HECW1: variants seen among roughly 807,000 people sequenced by gnomAD.
The protein encoded by HECW1 is HECT, C2 and WW domain containing E3 ubiquitin protein ligase 1, also known as E3 ubiquitin-protein ligase HECW1.
Under a neutral mutation model 182.3 loss-of-function variants are expected in HECW1, and 61 were observed. The ratio of observed to expected loss-of-function variants is 0.33; its 90% CI spans 0.27 to 0.41. The LOEUF (loss-of-function observed/expected upper bound fraction) is 0.41. Ranked by LOEUF, HECW1 falls within the 10% of genes least tolerant of loss-of-function variation. The pLI is 1.00. For synonymous variants in HECW1, 859 were observed against 832.6 expected (o/e 1.03, Z -0.55); for missense variants, 1,739 against 2,108.9 (o/e 0.82, Z 3.44).
At chr7:43,138,255 G>A (rs1195696415) in intron 2 of HECW1, among the ~76,000 whole-genome samples, 4 of 152,220 alleles carry the variant, frequency 2.6e-5, no homozygotes, top group Non-Finnish European at 5.9e-5. Context: ...TTGGATGCTG[G>A]TGAAGATATC....
intron 2 of HECW1, among the ~76,000 whole-genome samples, chr7:43,126,463 G>A (rs1261804190): frequency 6.6e-6 from 1 of 152,160 alleles, no homozygotes; most frequent in Non-Finnish European, 1.5e-5. Flanking sequence ...CTACTGCCAT[G>A]CTATAATGGC....
intron 4 of HECW1, among the ~76,000 whole-genome samples, chr7:43,313,078 C>G (rs1025392366): frequency 2.0e-5 from 3 of 152,164 alleles, no homozygotes; most frequent in Non-Finnish European, 4.4e-5. Context: ...GGGATCTTAG[C>G]TGACTAACTA....
In HECW1 at chr7:43,479,629, A is replaced by G. The variant is rs1474810748; in HGVS notation, c.3119A>G (p.Asn1040Ser). 1.2e-6 allele frequency: 2 copies of G among 1,614,118 alleles called. No individual in the cohort carries two copies. The highest frequency in any genetic ancestry group is 1.7e-6 in the Non-Finnish European group (2 of 1,180,016). The change falls in exon 17 of 30, where the codon AAC (asparagine) becomes AGC (serine). Residue 1040 changes from asparagine (N) to serine (S), a missense_variant. Physicochemically the swap from Asn to Ser is conservative, Grantham distance 46. Coordinates refer to ENST00000395891, the MANE Select transcript of HECW1 (RefSeq NM_015052.5). ...QQGKSFFVDH[N>S]SRATTFIDPR... ...TCGCAGTCTTTTTTCGTGGACCACAACAGTCGAGCTACCACTTTCATTGAC... is the reference window on the plus strand; with the variant it reads ...TCGCAGTCTTTTTTCGTGGACCACAGCAGTCGAGCTACCACTTTCATTGAC...
intron 3 of HECW1, among the ~76,000 whole-genome samples, chr7:43,299,495 T>A (rs1806465221): frequency 6.6e-6 from 1 of 152,146 alleles, no homozygotes; most frequent in African/African-American, 2.4e-5. Flanking sequence ...GTCCGTGAGT[T>A]CAAAGGTTCC....
chr7:43,280,890 G>C (rs895089384), intron 3 of HECW1, among the ~76,000 whole-genome samples: 6 of 152,146 alleles, frequency 3.9e-5, no homozygotes, highest in Admixed American at 1.3e-4. Flanking sequence ...GTTAAGAGAG[G>C]GGAAGTCTCC....
chr7:43,466,684 C>A, intron 15 of HECW1, 116 bp downstream of exon 15: 2 of 1,190,196 alleles, frequency 1.7e-6, no homozygotes, highest in Non-Finnish European at 1.2e-6. Context: ...CAAGAAAAAA[C>A]AAAGAAAACA....
At chr7:43,509,334 T>C (rs1034965737) in intron 24 of HECW1, 9 of 455,070 alleles carry the variant, frequency 2.0e-5, no homozygotes, top group African/African-American at 1.6e-4. Flanking sequence ...ATATAGCAAC[T>C]GCAAATTGAT....
intron 3 of HECW1, among the ~76,000 whole-genome samples, chr7:43,291,671 C>G (rs1422266444): frequency 6.6e-6 from 1 of 152,190 alleles, no homozygotes; most frequent in Non-Finnish European, 1.5e-5. Context: ...GAAGAGGAAA[C>G]TTTTTACTTT....
At chr7:43,416,072 A>G (rs1447163415) in intron 8 of HECW1, among the ~76,000 whole-genome samples, 57 of 151,928 alleles carry the variant, frequency 3.8e-4, no homozygotes, top group Non-Finnish European at 5.6e-4. Flanking sequence ...TTGCTGGTGA[A>G]GAACTGCGTT....
At chr7:43,175,120 A>G (rs1792092570) in intron 2 of HECW1, among the ~76,000 whole-genome samples, 1 of 151,898 alleles carries the variant, frequency 6.6e-6, no homozygotes, top group Middle Eastern at 3.2e-3. Context: ...AAGTTGAGGT[A>G]TAAGTTTTTG....
rs1326239761 is a variant in HECW1, at chr7:43,407,548, C to A, written c.632-14C>A. 1 of 1,588,856 alleles carries A rather than the reference C, an allele frequency of 6.3e-7. No homozygotes were observed. ...CTAAAACATATTTAAATTAAAGTAT[C>A]CTTTATTTTATAGATTTCCAAGCCA... is the stretch of plus-strand genomic sequence containing the variant. On this transcript the variant is annotated splice_polypyrimidine_tract_variant and intron_variant, in intron 7 of 29. Transcript: ENST00000395891.
At chr7:43,330,244 C>T (rs1168088499) in intron 5 of HECW1, among the ~76,000 whole-genome samples, 1 of 152,202 alleles carries the variant, frequency 6.6e-6, no homozygotes, top group Non-Finnish European at 1.5e-5. Flanking sequence ...GGGACACTCA[C>T]TCTTAAAGCC....
intron 2 of HECW1, among the ~76,000 whole-genome samples, chr7:43,234,484 T>C (rs912589536): frequency 2.0e-5 from 3 of 151,360 alleles, no homozygotes; most frequent in African/African-American, 7.3e-5. Flanking sequence ...CACACTGGCC[T>C]CTGCAGATGC....
intron 7 of HECW1, among the ~76,000 whole-genome samples, chr7:43,407,058 A>G (rs1584794521): frequency 1.3e-5 from 2 of 152,174 alleles, no homozygotes; most frequent in South Asian, 4.1e-4. Context: ...GAAATTGTAC[A>G]TGGTCAGATA....
At position 43,269,838 on chromosome 7, in the gene HECW1, G is replaced by A. The variant is rs75950135; in HGVS notation, c.27+25906G>A. Among the ~76,000 whole-genome samples, 1,452 of 152,266 alleles carry A rather than the reference G, an allele frequency of 9.5e-3. 29 individuals carry two copies. The highest frequency in any genetic ancestry group is 0.033 in the African/African-American group (1,370 of 41,542). On this transcript the variant is annotated intron_variant, in intron 3 of 29. Coordinates refer to ENST00000395891, the MANE Select transcript of HECW1 (RefSeq NM_015052.5). ...TGGCAATGTCTGGAGGCATTTTTTG[G>A]TTTTTGCAATTGGGTGACTGCTACT...
chr7:43,127,442 G>A (rs1583603040), intron 2 of HECW1, among the ~76,000 whole-genome samples: 1 of 144,102 alleles, frequency 6.9e-6, no homozygotes, highest in African/African-American at 2.6e-5. Flanking sequence ...AGAATCGCTT[G>A]AACCTGGGAG....
At chr7:43,315,114 A>T (rs1809039214) in intron 4 of HECW1, among the ~76,000 whole-genome samples, 1 of 152,182 alleles carries the variant, frequency 6.6e-6, no homozygotes, top group Admixed American at 6.5e-5. Context: ...AGCAAATAGG[A>T]CTGTTCTGAC....
At chr7:43,448,599 T>C (rs2077136936) in intron 11 of HECW1, among the ~76,000 whole-genome samples, 1 of 152,222 alleles carries the variant, frequency 6.6e-6, no homozygotes, top group Non-Finnish European at 1.5e-5. Context: ...AAGTGAGGGT[T>C]CTTCCAGGCA....
intron 2 of HECW1, among the ~76,000 whole-genome samples, chr7:43,141,480 CA>C (rs1438307254): frequency 6.6e-6 from 1 of 152,042 alleles, no homozygotes; most frequent in Non-Finnish European, 1.5e-5. Context: ...TGGGTTTTAA[CA>C]TATTTTTGTT....
Sources: allele counts gnomAD v4.1 joint callset (sites outside exome capture counted in the v4.1 genomes callset), GRCh38; gene constraint gnomAD v4.1.1; transcripts MANE v1.5; gene names NCBI Gene and HGNC (gene_info 2026-07-23, HGNC 2026-07-21).